The following MGA variants were observed in gnomAD, a reference collection of about 807,000 sequenced individuals.
The protein encoded by MGA is MAX dimerization protein MGA.
In MGA, 40 loss-of-function variants were observed where a neutral mutation model predicts 261.1. That is an observed-to-expected ratio of 0.15 (90% CI 0.12 to 0.20). MGA has a LOEUF of 0.20. Among genes scored for constraint, MGA ranks in the 10% least tolerant of loss-of-function variants. The pLI is 1.00. For missense variants in MGA, 3,397 were observed against 3,630.5 expected (o/e 0.94, Z 1.65); for synonymous variants, 1,302 against 1,290.6 (o/e 1.01, Z -0.19).
intron 17 of MGA, 111 bp downstream of exon 17, chr15:41,750,726 T>A: frequency 1.0e-6 from 1 of 1,002,950 alleles, no homozygotes; most frequent in Non-Finnish European, 1.4e-6. Flanking sequence ...ATTGGATGCC[T>A]AGGTTTAAGA....
chr15:41,683,548 A>T (rs1032069542), intron 2 of MGA, among the ~76,000 whole-genome samples: 63 of 141,374 alleles, frequency 4.5e-4, no homozygotes, highest in African/African-American at 1.6e-3. Flanking sequence ...TGGATTTCTT[A>T]GTTCTTTGTT....
At chr15:41,741,766 C>CA (rs2062117067) in intron 14 of MGA, among the ~76,000 whole-genome samples, 1 of 152,116 alleles carries the variant, frequency 6.6e-6, no homozygotes, top group Non-Finnish European at 1.5e-5. Context: ...GGCTGGAGTG[C>CA]AGTGGCACTA....
intron 2 of MGA, among the ~76,000 whole-genome samples, chr15:41,689,502 T>C (rs2059153601): frequency 6.6e-6 from 1 of 151,808 alleles, no homozygotes; most frequent in East Asian, 1.9e-4. Flanking sequence ...TATTTACGTA[T>C]TTATTTATTT....
intron 1 of MGA, among the ~76,000 whole-genome samples, chr15:41,634,286 A>G (rs1172622811): frequency 6.6e-6 from 1 of 152,214 alleles, no homozygotes; most frequent in East Asian, 1.9e-4. Context: ...GTAAGTGCTT[A>G]ATAATGTTTG....
intron 2 of MGA, among the ~76,000 whole-genome samples, chr15:41,680,839 C>G (rs1034576778): frequency 1.3e-5 from 2 of 152,160 alleles, no homozygotes; most frequent in Non-Finnish European, 2.9e-5. Flanking sequence ...GGGTAATTGA[C>G]AAAATCTGTG....
intron 17 of MGA, among the ~76,000 whole-genome samples, chr15:41,752,624 G>A (rs776891784): frequency 4.2e-5 from 6 of 141,752 alleles, no homozygotes; most frequent in Non-Finnish European, 9.0e-5. Context: ...GTGCCATCTC[G>A]GCTCACTGCA....
rs774560312 is a variant in MGA at position 41,766,006 on chromosome 15, A to G, written c.7924A>G (p.Asn2642Asp). The G allele has an allele frequency of 1.3e-6, 2 of 1,596,100 alleles. No individual in the cohort carries two copies. Among genetic ancestry groups the G allele is most frequent in the South Asian group, 2.2e-5 (2 of 88,940 alleles). ...TTTTTTTAATTTTTGTTTTTCAGAA[A>G]ATGACGACTTATTTATGATGCCACG... Residue 2642 changes from asparagine (N) to aspartate (D), a missense_variant and splice_region_variant, in exon 24 of 24, where the codon AAT becomes GAT. Transcript: ENST00000219905.
chr15:41,767,230 G>T lies in MGA; in HGVS notation c.9148G>T (p.Val3050Leu). The T allele has an allele frequency of 6.2e-7, 1 of 1,613,864 alleles. No individual in the cohort carries two copies. Among genetic ancestry groups the T allele is most frequent in the Non-Finnish European group, 8.5e-7 (1 of 1,179,798 alleles). The stretch of plus-strand genomic sequence containing the variant: ...GGTGATGCCTACATTGGCACCTGTT[G>T]TGGCTAAATTGGGCAACTCGGGGGC... Residue 3050 changes from valine (V) to leucine (L), a missense_variant, in exon 24 of 24, where the codon GTG (valine) becomes TTG (leucine). By Grantham distance (32) the Val-to-Leu change is conservative. This residue lies in a region of MGA where 647 missense variants were observed against 642.4 expected (regional missense o/e 1.01). Transcript: ENST00000219905.
chr15:41,637,385 C>T (rs537907840), intron 1 of MGA, among the ~76,000 whole-genome samples: 1 of 152,264 alleles, frequency 6.6e-6, no homozygotes, highest in African/African-American at 2.4e-5. Context: ...TGTTTTGGTA[C>T]TGAAACTGGT....
In MGA at chr15:41,708,222, T is replaced by A. The variant is rs747491121; in HGVS notation, c.2425+14T>A. 27 of 1,500,384 alleles carry A rather than the reference T, an allele frequency of 1.8e-5. No homozygotes were observed. Among genetic ancestry groups the A allele is most frequent in the South Asian group, 2.5e-5 (2 of 79,638 alleles). The allele number at this position is 1,500,384 out of a possible 1,614,324, so 92.9% of individuals were successfully genotyped here. A position where few individuals can be genotyped will look rare whatever the true frequency, so the allele number is the denominator to read the frequency against. On this transcript the variant is annotated intron_variant, in intron 7 of 23. Transcript: ENST00000219905. The stretch of plus-strand genomic sequence containing the variant: ...CTAGGAATGAAGGTAATTAGTTTTT[T>A]AAAATTTTTTAAATGTTCTGAAACA...
chr15:41,663,832 G>A (rs902569944), intron 1 of MGA, among the ~76,000 whole-genome samples: 1 of 152,010 alleles, frequency 6.6e-6, no homozygotes, highest in Non-Finnish European at 1.5e-5. Flanking sequence ...ACTTTAGAGT[G>A]GTCTTGGTGT....
chr15:41,713,261 G>C lies in MGA; in HGVS notation c.3195G>C (p.Lys1065Asn). 6.2e-7 allele frequency: 1 copy of C among 1,613,998 alleles called. No individual in the cohort carries two copies. Among genetic ancestry groups the C allele is most frequent in the Middle Eastern group, 1.6e-4 (1 of 6,062 alleles). ...TATGTTCCAGTCTAGCTTTGGAGAA[G>C]CGCCAACCTGCTCACTGCCGCCGAC... Residue 1065 changes from lysine (K) to asparagine (N), a missense_variant, in exon 9 of 24, where the codon AAG becomes AAC. Around this residue, in one of 9 missense-constraint regions of MGA, gnomAD observed 519 missense variants for 554.1 expected, o/e 0.94. Transcript: ENST00000219905.
intron 2 of MGA, among the ~76,000 whole-genome samples, chr15:41,693,894 C>G (rs895682889): frequency 7.2e-5 from 11 of 152,014 alleles, no homozygotes; most frequent in Non-Finnish European, 1.2e-4. Flanking sequence ...GAAAGTGTCT[C>G]GATTATTGGG....
At chr15:41,675,496 C>G (rs1022259446) in intron 2 of MGA, among the ~76,000 whole-genome samples, 7 of 151,964 alleles carry the variant, frequency 4.6e-5, no homozygotes, top group Admixed American at 3.9e-4. Flanking sequence ...GTCTCAGCCT[C>G]CCTAGTAGCT....
chr15:41,733,950 C>G (rs978922758), intron 11 of MGA, among the ~76,000 whole-genome samples: 2 of 145,846 alleles, frequency 1.4e-5, no homozygotes, highest in Admixed American at 1.4e-4. Flanking sequence ...GGGCCTCACT[C>G]TGTCACCCAG....
chr15:41,696,002 T>G, intron 2 of MGA, 73 bp from the exon 3 acceptor site: 2 of 1,123,500 alleles, frequency 1.8e-6, no homozygotes, highest in Non-Finnish European at 2.5e-6. Flanking sequence ...ACATCTTTTT[T>G]TTTTTTTCTC....
rs1719898668 is a variant in MGA, at chr15:41,760,590, A to G, written c.7398+61A>G. ...CTAAGAGATTCTTACCGATGATATG[A>G]GAAAGATAATCCACTGACATATAAG... is the stretch of plus-strand genomic sequence containing the variant. On this transcript the variant is annotated intron_variant, in intron 20 of 23. Coordinates refer to ENST00000219905, the MANE Select transcript of MGA (RefSeq NM_001164273.2). The G allele has an allele frequency of 3.9e-6, 6 of 1,531,914 alleles. No individual in the cohort carries two copies. The South Asian group carries it at 4.5e-5, about 12-fold the overall frequency. 94.9% of individuals were successfully genotyped at this position (1,531,914 alleles called of 1,614,324 possible). A position where few individuals can be genotyped will look rare whatever the true frequency, so the allele number is the denominator to read the frequency against.
chr15:41,690,309 A>G (rs2059206488), intron 2 of MGA, among the ~76,000 whole-genome samples: 1 of 152,176 alleles, frequency 6.6e-6, no homozygotes, highest in South Asian at 2.1e-4. Context: ...TTGTGTGGAC[A>G]TTACCACATT....
At chr15:41,741,112 G>A (rs1177076655) in intron 14 of MGA, among the ~76,000 whole-genome samples, 1 of 152,096 alleles carries the variant, frequency 6.6e-6, no homozygotes, top group South Asian at 2.1e-4. Flanking sequence ...ACTTTGGGAG[G>A]CCGAGGCGGG....
Sources: allele counts gnomAD v4.1 joint callset (sites outside exome capture counted in the v4.1 genomes callset), GRCh38; gene constraint gnomAD v4.1.1; regional missense constraint gnomAD v4.1.1; transcripts MANE v1.5; gene names NCBI Gene and HGNC (gene_info 2026-07-23, HGNC 2026-07-21).